Variants in GPHN observed in about 807,000 individuals in gnomAD.
The protein encoded by GPHN is gephyrin.
GPHN carries 17 observed loss-of-function variants against 95.5 expected under a neutral mutation model. The observed-to-expected ratio is 0.18, with a 90% CI of 0.12 to 0.27. GPHN has a LOEUF of 0.27. GPHN is among the 10% of genes least tolerant of loss of function. The probability of loss-of-function intolerance (pLI) is 1.00; values close to 1 mark genes in which losing one functional copy is unlikely to be tolerated. For missense variants in GPHN, 660 were observed against 978.1 expected (o/e 0.67, Z 4.34); for synonymous variants, 320 against 322.5 (o/e 0.99, Z 0.08).
chr14:66,915,086 C>A (rs1443424662), intron 5 of GPHN, among the ~76,000 whole-genome samples: 1 of 152,016 alleles, frequency 6.6e-6, no homozygotes, highest in Non-Finnish European at 1.5e-5. Flanking sequence ...AAATGGCAAT[C>A]TTCTCTTTCA....
At chr14:67,182,231 A>C (rs955200159), downstream of GPHN, among the ~76,000 whole-genome samples, 2 of 152,262 alleles carry the variant, frequency 1.3e-5, no homozygotes, top group African/African-American at 4.8e-5. Context: ...CGTGTTAGAA[A>C]GGAAGTGAGA....
chr14:67,593,502 A>G, the GPHN span: 2 of 483,124 alleles, frequency 4.1e-6, no homozygotes, highest in East Asian at 7.5e-5. Context: ...AAAAAAAAAA[A>G]AGAAAAAAGA....
chr14:67,519,287 A>G, the GPHN span, among the ~76,000 whole-genome samples: 1 of 152,256 alleles, frequency 6.6e-6, no homozygotes, highest in East Asian at 1.9e-4. Flanking sequence ...GGAAAAGAAT[A>G]TGATCAGATG....
At chr14:67,242,583 G>A in the GPHN span, among the ~76,000 whole-genome samples, 8 of 152,020 alleles carry the variant, frequency 5.3e-5, no homozygotes, top group Non-Finnish European at 1.0e-4. Flanking sequence ...AGTATTGGTG[G>A]TAATGAAACT....
At chr14:67,392,931 G>A in the GPHN span, 1 of 1,191,654 alleles carries the variant, frequency 8.4e-7, no homozygotes. Flanking sequence ...CACTGACCTT[G>A]GCCCTCTGGG....
intron 21 of GPHN, among the ~76,000 whole-genome samples, chr14:67,173,638 A>G (rs2062282221): frequency 1.3e-5 from 2 of 152,250 alleles, no homozygotes; most frequent in Admixed American, 1.3e-4. Context: ...CAGGCTTACA[A>G]GAAACACAAA....
At chr14:66,681,468 A>G (rs1298725782) in intron 2 of GPHN, among the ~76,000 whole-genome samples, 2 of 152,160 alleles carry the variant, frequency 1.3e-5, no homozygotes, top group East Asian at 3.8e-4. Flanking sequence ...GATGATTAGT[A>G]GTTGATTTCC....
At chr14:66,869,114 C>G (rs1266861288) in intron 4 of GPHN, among the ~76,000 whole-genome samples, 1 of 152,044 alleles carries the variant, frequency 6.6e-6, no homozygotes, top group African/African-American at 2.4e-5. Context: ...ATCTGGTAAT[C>G]AAATTAATAA....
At chr14:67,434,968 C>CTA in the GPHN span, among the ~76,000 whole-genome samples, 1 of 147,362 alleles carries the variant, frequency 6.8e-6, no homozygotes, top group African/African-American at 2.6e-5. Context: ...TCTTCTCTCT[C>CTA]TCTTTTTTTT....
chr14:66,683,431 T>TATATA (rs2067127065), intron 2 of GPHN, among the ~76,000 whole-genome samples: 1 of 60,134 alleles, frequency 1.7e-5, no homozygotes, highest in African/African-American at 4.1e-5. Flanking sequence ...TATATTCATA[T>TATATA]TCTTGTGTTG....
chr14:66,567,712 C>T (rs894173527), intron 1 of GPHN, among the ~76,000 whole-genome samples: 5 of 152,222 alleles, frequency 3.3e-5, no homozygotes, highest in African/African-American at 1.2e-4. Context: ...ACTTTTGTTG[C>T]TTTTGTTTAC....
chr14:67,505,125 A>C, the GPHN span, among the ~76,000 whole-genome samples: 1 of 152,322 alleles, frequency 6.6e-6, no homozygotes, highest in Admixed American at 6.5e-5. Context: ...TAATGCTCGT[A>C]AGTGTGACAC....
chr14:67,415,458 C>A, the GPHN span, among the ~76,000 whole-genome samples: 1 of 152,118 alleles, frequency 6.6e-6, no homozygotes, highest in African/African-American at 2.4e-5. Context: ...TTTGCCAGAT[C>A]TCTGATTATT....
chr14:67,552,064 C>T, the GPHN span, among the ~76,000 whole-genome samples: 2 of 152,170 alleles, frequency 1.3e-5, no homozygotes, highest in African/African-American at 4.8e-5. Context: ...GAGCTGTACA[C>T]TTGGGGGTTA....
the GPHN span, among the ~76,000 whole-genome samples, chr14:67,708,794 C>CTTTT: frequency 7.3e-6 from 1 of 136,898 alleles, no homozygotes; most frequent in Non-Finnish European, 1.6e-5. Context: ...TTAATAATAC[C>CTTTT]TTTTTTTTTT....
the GPHN span, among the ~76,000 whole-genome samples, chr14:67,365,866 T>C: frequency 2.6e-4 from 39 of 152,222 alleles, no homozygotes; most frequent in African/African-American, 9.4e-4. Context: ...TTTTAATTTT[T>C]TTTATTATAG....
the GPHN span, chr14:67,320,461 A>G: frequency 2.8e-6 from 4 of 1,410,412 alleles, no homozygotes; most frequent in Non-Finnish European, 2.8e-6. Context: ...ACCTAACTAT[A>G]TCATGTAGGG....
At chr14:66,697,183 ATAGT>A (rs1343452969) in intron 2 of GPHN, among the ~76,000 whole-genome samples, 5 of 152,232 alleles carry the variant, frequency 3.3e-5, no homozygotes, top group Admixed American at 3.3e-4. Flanking sequence ...GAGGCATTTT[ATAGT>A]TAATCTACTT....
chr14:67,323,232 C>CATGTGTGTATGTGTGTGTGT, the GPHN span, among the ~76,000 whole-genome samples: 76 of 143,620 alleles, frequency 5.3e-4, no homozygotes, highest in Non-Finnish European at 9.1e-4. Flanking sequence ...CATATATACA[C>CATGTGTGTATGTGTGTGTGT]GTGTGTGTGT....
Sources: allele counts gnomAD v4.1 joint callset (sites outside exome capture counted in the v4.1 genomes callset), GRCh38; gene constraint gnomAD v4.1.1; transcripts MANE v1.5; gene names NCBI Gene and HGNC (gene_info 2026-07-23, HGNC 2026-07-21).